ZBED6: variants seen among roughly 807,000 people sequenced by gnomAD.
ZBED6 encodes the protein zinc finger BED-type containing 6.
Under a neutral mutation model 58.4 loss-of-function variants are expected in ZBED6, and 40 were observed. The ratio of observed to expected loss-of-function variants is 0.68; its 90% CI spans 0.53 to 0.89. ZBED6 has a LOEUF of 0.89. Ranked by LOEUF, ZBED6 falls within the 40% of genes least tolerant of loss-of-function variation. The pLI is 0.00. For missense variants in ZBED6, 1,057 were observed against 1,003.9 expected (o/e 1.05, Z -0.71); for synonymous variants, 439 against 350.6 (o/e 1.25, Z -2.82).
exon 4 of ZBED6, chr1:203,828,396 A>G (rs772808553): frequency 1.2e-6 from 2 of 1,613,680 alleles, no homozygotes; most frequent in Non-Finnish European, 8.5e-7. Flanking sequence ...CGATATGTTG[A>G]TGGCCTTTTC....
chr1:203,812,069 G>A (rs1397582655), intron 1 of ZBED6, among the ~76,000 whole-genome samples: 11 of 152,134 alleles, frequency 7.2e-5, no homozygotes, highest in Middle Eastern at 3.4e-3. Flanking sequence ...CACCCACCTC[G>A]GCCTCCCAAA....
exon 1 of ZBED6, chr1:203,798,549 T>A: frequency 6.5e-7 from 1 of 1,536,114 alleles, no homozygotes; most frequent in Non-Finnish European, 8.7e-7. Flanking sequence ...AAGTGATCTC[T>A]TGAGTGATAC....
At chr1:203,811,905 T>C (rs1222835403) in intron 1 of ZBED6, among the ~76,000 whole-genome samples, 2 of 151,044 alleles carry the variant, frequency 1.3e-5, no homozygotes, top group Admixed American at 6.6e-5. Flanking sequence ...AACCTCCACC[T>C]CCTGTGTTCA....
In ZBED6 at chr1:203,842,268, A is replaced by G. The variant is rs546944855; in HGVS notation, c.*3741+1894A>G. Among the ~76,000 whole-genome samples the G allele has an allele frequency of 1.4e-3, 207 of 152,316 alleles. 2 individuals are homozygous for G. The highest frequency in any genetic ancestry group is 4.7e-3 in the African/African-American group (197 of 41,572). ...CAGGCGGCTGGGAGGTGGAGGTTGT[A>G]GCAAGCCGAGATCACGCCACTGCAC... On this transcript the variant is annotated intron_variant, in intron 11 of 16. Transcript: ENST00000550078.
chr1:203,838,081 A>G lies in ZBED6; in HGVS notation c.*3672+17A>G, dbSNP rs1558133052. On this transcript the variant is annotated intron_variant, in intron 10 of 16. Transcript: ENST00000550078. ...CAAAGAAAGGTACCTGTGTTCTTAC[A>G]TACTTTGTGTGTGTATGTAATTATG... 2.5e-6 allele frequency: 4 copies of G among 1,611,510 alleles called. No homozygotes were observed. In the South Asian group the frequency reaches 3.3e-5, roughly 13 times the overall value.
intron 6 of ZBED6, 79 bp downstream of exon 6, chr1:203,829,975 C>T: frequency 7.0e-7 from 1 of 1,422,360 alleles, no homozygotes; most frequent in Non-Finnish European, 9.9e-7. Flanking sequence ...CATTGACCTC[C>T]CTCTTCTTTT....
Position 203,829,899 on chromosome 1 carries a change from A to G in ZBED6, c.*3318+3A>G. 1 of 1,612,832 alleles carries G rather than the reference A, an allele frequency of 6.2e-7. No individual in the cohort carries two copies. The highest frequency in any genetic ancestry group is 8.5e-7 in the Non-Finnish European group (1 of 1,178,810). On this transcript the variant is annotated splice_donor_region_variant and intron_variant, in intron 6 of 16. Coordinates refer to ENST00000550078, the Ensembl canonical transcript of ZBED6. ...ACCTGCAGTCAATATAAAGCAAGGT[A>G]AGAAGAGGCTAGATTGGTGCCTCTT...
chr1:203,832,245 G>T (rs1040421707), intron 8 of ZBED6, among the ~76,000 whole-genome samples: 1 of 152,012 alleles, frequency 6.6e-6, no homozygotes, highest in African/African-American at 2.4e-5. Flanking sequence ...ATTTTTAGTA[G>T]AGACGGGGTT....
chr1:203,849,862 T>C lies in ZBED6; in HGVS notation c.*4474T>C, dbSNP rs1320347653. On this transcript the variant is annotated 3_prime_UTR_variant, in exon 14 of 17. Transcript: ENST00000550078. ...GATGTAGCCTCTTGCAATACCCAAGTGGCAGAGAAACCAGTGCTCACTGCT... is the reference window on the plus strand; with the variant it reads ...GATGTAGCCTCTTGCAATACCCAAGCGGCAGAGAAACCAGTGCTCACTGCT... The C allele has an allele frequency of 3.1e-6, 5 of 1,614,074 alleles. No homozygotes were observed. The East Asian group carries it at 1.1e-4, about 36-fold the overall frequency.
At chr1:203,851,968 C>CAAAAAAAAAA (rs57160781) in intron 16 of ZBED6, among the ~76,000 whole-genome samples, 173 bp from the exon 17 acceptor site, 1 of 45,842 alleles carries the variant, frequency 2.2e-5, no homozygotes, top group Non-Finnish European at 3.5e-5. Flanking sequence ...GACTCTGCCT[C>CAAAAAAAAAA]AAAAAAAAAA....
At chr1:203,833,618 G>GTTTTTTTTTTTTTTTTTTTTTTTTTTTT (rs553171669) in intron 8 of ZBED6, among the ~76,000 whole-genome samples, 173 bp from the exon 9 acceptor site, 1 of 124,832 alleles carries the variant, frequency 8.0e-6, no homozygotes, top group Non-Finnish European at 1.7e-5. Flanking sequence ...ATAGGTTTGG[G>GTTTTTTTTTTTTTTTTTTTTTTTTTTTT]TTTTTTTTTT....
At chr1:203,826,232 T>G (rs749117766) in intron 3 of ZBED6, among the ~76,000 whole-genome samples, 1 of 152,144 alleles carries the variant, frequency 6.6e-6, no homozygotes, top group Non-Finnish European at 1.5e-5. Context: ...TTGCTGTACT[T>G]TTATTTTTAC....
At position 203,831,783 on chromosome 1, in the gene ZBED6, A is replaced by C. The variant is rs188728596; in HGVS notation, c.*3510+12A>C. ...CTCCACCAAACAAGGTAAGGTATAG[A>C]TAGGTCTTAGAGTTGTCAAGCCTCT... On this transcript the variant is annotated intron_variant, in intron 8 of 16. Transcript: ENST00000550078. 2.2e-5 allele frequency: 35 copies of C among 1,603,010 alleles called. No homozygotes were observed. In the East Asian group the frequency reaches 6.0e-4, roughly 28 times the overall value.
At chr1:203,843,672 A>T (rs1377794851) in intron 11 of ZBED6, among the ~76,000 whole-genome samples, 1 of 152,242 alleles carries the variant, frequency 6.6e-6, no homozygotes, top group African/African-American at 2.4e-5. Context: ...AACTTCATTT[A>T]CAAAATTAGG....
intron 2 of ZBED6, among the ~76,000 whole-genome samples, chr1:203,818,126 G>A (rs777560596): frequency 1.6e-4 from 25 of 152,172 alleles, no homozygotes; most frequent in African/African-American, 4.1e-4. Flanking sequence ...CAACAGTAGC[G>A]TTTTATTTCA....
chr1:203,811,111 A>G lies in ZBED6; in HGVS notation c.*2555-5815A>G, dbSNP rs114691898. On this transcript the variant is annotated intron_variant, in intron 1 of 16. Coordinates refer to ENST00000550078, the Ensembl canonical transcript of ZBED6. ...AGCCGAGATTGCGCCACTGCACTCC[A>G]GCAGCCTGGGTAGAAGAGTGAAACT... 4.1e-3 allele frequency among the ~76,000 whole-genome samples: 624 copies of G among 151,088 alleles called. 5 individuals carry two copies. The highest frequency in any genetic ancestry group is 0.015 in the African/African-American group (604 of 41,056).
chr1:203,837,671 T>C (rs976296039), intron 9 of ZBED6, among the ~76,000 whole-genome samples: 1 of 152,086 alleles, frequency 6.6e-6, no homozygotes, highest in Non-Finnish European at 1.5e-5. Flanking sequence ...AGAGACAAGG[T>C]CTTGCTGTGT....
exon 1 of ZBED6, chr1:203,796,404 C>CA (rs2102323795): frequency 5.0e-6 from 2 of 399,110 alleles, no homozygotes; most frequent in African/African-American, 4.1e-5. Context: ...CCCTGGCCCT[C>CA]AGCGTCGGAG....
intron 9 of ZBED6, among the ~76,000 whole-genome samples, chr1:203,835,044 T>C (rs1158944256): frequency 3.9e-5 from 6 of 152,248 alleles, no homozygotes; most frequent in Non-Finnish European, 7.3e-5. Context: ...TTTTGTGTTG[T>C]CTTTGATGCA....
Sources: allele counts gnomAD v4.1 joint callset (sites outside exome capture counted in the v4.1 genomes callset), GRCh38; gene constraint gnomAD v4.1.1; transcripts MANE v1.5; gene names NCBI Gene and HGNC (gene_info 2026-07-23, HGNC 2026-07-21).